The following CCSER1 variants were observed in gnomAD, a reference collection of about 807,000 sequenced individuals.
The protein encoded by CCSER1 is serine-rich coiled-coil domain-containing protein 1.
CCSER1 carries 41 observed loss-of-function variants against 82.0 expected under a neutral mutation model. The ratio of observed to expected loss-of-function variants is 0.50; its 90% CI spans 0.39 to 0.65. The LOEUF is 0.65. Ranked by LOEUF, CCSER1 falls within the 30% of genes least tolerant of loss-of-function variation. The pLI is 0.00. For synonymous variants in CCSER1, 414 were observed against 383.9 expected, an observed-to-expected ratio of 1.08 and a Z score of -0.92; for missense variants, 1,119 against 1,064.2, an observed-to-expected ratio of 1.05 and a Z score of -0.72.
At chr4:90,341,178 G>C (rs1741311059) in intron 3 of CCSER1, among the ~76,000 whole-genome samples, 1 of 152,048 alleles carries the variant, frequency 6.6e-6, no homozygotes, top group African/African-American at 2.4e-5. Context: ...TGGAATGTCT[G>C]TTTCCTCATA....
chr4:91,441,060 A>G (rs1201004212), intron 10 of CCSER1, among the ~76,000 whole-genome samples: 1 of 152,104 alleles, frequency 6.6e-6, no homozygotes, highest in African/African-American at 2.4e-5. Flanking sequence ...AACTGGTACC[A>G]TTCCTTCTGA....
At chr4:90,357,865 G>C (rs897618719) in intron 3 of CCSER1, among the ~76,000 whole-genome samples, 1 of 151,958 alleles carries the variant, frequency 6.6e-6, no homozygotes, top group Admixed American at 6.6e-5. Context: ...CTGCTTCTCA[G>C]TTTTTAAAGC....
At chr4:90,738,052 G>A (rs1416585429) in intron 7 of CCSER1, among the ~76,000 whole-genome samples, 1 of 152,030 alleles carries the variant, frequency 6.6e-6, no homozygotes, top group Admixed American at 6.6e-5. Context: ...TGAATTCTCT[G>A]TTTGAAAGAT....
intron 10 of CCSER1, among the ~76,000 whole-genome samples, chr4:91,394,754 C>T (rs1328373681): frequency 2.0e-5 from 3 of 151,940 alleles, no homozygotes; most frequent in African/African-American, 7.2e-5. Flanking sequence ...AAAGTATTCA[C>T]TTAGTAAAGC....
chr4:90,430,048 C>A (rs1341439540), intron 4 of CCSER1, among the ~76,000 whole-genome samples: 1 of 151,736 alleles, frequency 6.6e-6, no homozygotes, highest in African/African-American at 2.4e-5. Flanking sequence ...TAAGTCCGCT[C>A]AAAAATCTAA....
intron 6 of CCSER1, among the ~76,000 whole-genome samples, chr4:90,685,567 G>C (rs1308268093): frequency 1.3e-5 from 2 of 152,048 alleles, no homozygotes; most frequent in African/African-American, 4.8e-5. Context: ...ACATTCTCCA[G>C]AATGGGAAAA....
intron 10 of CCSER1, among the ~76,000 whole-genome samples, chr4:91,292,425 C>T (rs1743821123): frequency 6.6e-6 from 1 of 151,772 alleles, no homozygotes; most frequent in Admixed American, 6.6e-5. Context: ...ATAATTTGAA[C>T]TTAATTATGC....
chr4:91,375,976 T>C (rs566500462), intron 10 of CCSER1, among the ~76,000 whole-genome samples: 1 of 152,160 alleles, frequency 6.6e-6, no homozygotes, highest in East Asian at 1.9e-4. Context: ...AAATTACAAT[T>C]ATATATATTA....
intron 1 of CCSER1, among the ~76,000 whole-genome samples, chr4:90,302,054 T>C (rs1733241429): frequency 6.6e-6 from 1 of 152,192 alleles, no homozygotes; most frequent in Non-Finnish European, 1.5e-5. Context: ...TTTAGCATAA[T>C]TACCCTCAGG....
At chr4:91,564,591 C>G (rs1442836469) in intron 10 of CCSER1, among the ~76,000 whole-genome samples, 2 of 151,964 alleles carry the variant, frequency 1.3e-5, no homozygotes, top group African/African-American at 4.8e-5. Flanking sequence ...GCCCTTCTAA[C>G]TGGTGTGAGA....
chr4:91,127,947 G>C (rs1288307153), intron 10 of CCSER1, among the ~76,000 whole-genome samples: 3 of 108,624 alleles, frequency 2.8e-5, no homozygotes, highest in African/African-American at 1.1e-4. Flanking sequence ...ATTGCACTGG[G>C]ACACTCCCAG....
chr4:90,972,639 A>AT (rs1371382035), intron 9 of CCSER1, among the ~76,000 whole-genome samples: 2 of 151,802 alleles, frequency 1.3e-5, no homozygotes, highest in African/African-American at 4.8e-5. Context: ...AAAATCTCTT[A>AT]TTTTTTGCAG....
At chr4:90,975,551 T>C (rs2150408806) in intron 9 of CCSER1, among the ~76,000 whole-genome samples, 1 of 151,416 alleles carries the variant, frequency 6.6e-6, no homozygotes, top group South Asian at 2.1e-4. Context: ...AGATACCTAA[T>C]GAGTAATGAA....
chr4:91,302,166 C>T (rs1294070156), intron 10 of CCSER1, among the ~76,000 whole-genome samples: 1 of 151,988 alleles, frequency 6.6e-6, no homozygotes, highest in Non-Finnish European at 1.5e-5. Context: ...CTGATATCTT[C>T]ATTTGCATTT....
At chr4:90,250,449 G>C (rs564721499) in intron 1 of CCSER1, among the ~76,000 whole-genome samples, 116 of 152,090 alleles carry the variant, frequency 7.6e-4, no homozygotes, top group Non-Finnish European at 1.5e-3. Context: ...CCCTGGGTCT[G>C]GGACCATCTG....
intron 10 of CCSER1, among the ~76,000 whole-genome samples, chr4:91,147,375 A>G (rs75461069): frequency 0.011 from 1,700 of 152,326 alleles, 41 homozygotes; most frequent in African/African-American, 0.039. Flanking sequence ...TTCTCTTGCC[A>G]GATGGCTGTG....
chr4:90,264,022 C>A (rs575739156), intron 1 of CCSER1, among the ~76,000 whole-genome samples: 9 of 152,228 alleles, frequency 5.9e-5, no homozygotes, highest in African/African-American at 1.9e-4. Context: ...CATAAAGCTA[C>A]AAAAGAAAGA....
At chr4:90,943,712 G>C (rs1581165600) in intron 9 of CCSER1, among the ~76,000 whole-genome samples, 1 of 139,744 alleles carries the variant, frequency 7.2e-6, no homozygotes, top group African/African-American at 2.7e-5. Flanking sequence ...ACAAACATGA[G>C]CCACTGTGCC....
chr4:91,507,218 G>C (rs1450061801), intron 10 of CCSER1, among the ~76,000 whole-genome samples: 2 of 151,998 alleles, frequency 1.3e-5, no homozygotes, highest in Non-Finnish European at 2.9e-5. Flanking sequence ...GTTTTCCAAG[G>C]TGACTGCCAC....
Sources: allele counts gnomAD v4.1 joint callset (sites outside exome capture counted in the v4.1 genomes callset), GRCh38; gene constraint gnomAD v4.1.1; transcripts MANE v1.5; gene names NCBI Gene and HGNC (gene_info 2026-07-23, HGNC 2026-07-21).